Variants in CECR2 observed in about 807,000 individuals in gnomAD.
CECR2 encodes the protein chromatin remodeling regulator CECR2.
Under a neutral mutation model 154.5 loss-of-function variants are expected in CECR2, and 30 were observed. The observed-to-expected ratio is 0.19, with a 90% CI of 0.15 to 0.26. The LOEUF is 0.26. Ranked by LOEUF, CECR2 falls within the 10% of genes least tolerant of loss-of-function variation. The pLI, the probability that CECR2 is intolerant of heterozygous loss-of-function variation, is 1.00. For missense variants in CECR2, 1,743 were observed against 1,829.3 expected, an observed-to-expected ratio of 0.95 and a Z score of 0.86; for synonymous variants, 725 against 683.7, an observed-to-expected ratio of 1.06 and a Z score of -0.94.
chr22:17,453,429 C>T (rs140821800), intron 1 of CECR2, among the ~76,000 whole-genome samples: 1,575 of 151,884 alleles, frequency 0.01, 29 homozygotes, highest in African/African-American at 0.035. Flanking sequence ...GCAACAAGAG[C>T]GAAATTCCAT....
chr22:17,364,498 G>A (rs1282050699), upstream of CECR2, among the ~76,000 whole-genome samples: 2 of 152,144 alleles, frequency 1.3e-5, no homozygotes, highest in Admixed American at 6.5e-5. Context: ...GCAAACAAAG[G>A]TAGAGAAAGG....
At chr22:17,551,958 C>T in intron 17 of CECR2, 73 bp from the exon 18 acceptor site, 1 of 1,414,170 alleles carries the variant, frequency 7.1e-7, no homozygotes, top group Middle Eastern at 1.8e-4. Flanking sequence ...ACCCTCGTGA[C>T]TACAGTGTCT....
chr22:17,435,122 G>C (rs1372675881), intron 1 of CECR2, among the ~76,000 whole-genome samples: 1 of 152,102 alleles, frequency 6.6e-6, no homozygotes, highest in African/African-American at 2.4e-5. Flanking sequence ...GAAGAACTGT[G>C]AATCAGTCAG....
intron 9 of CECR2, among the ~76,000 whole-genome samples, chr22:17,525,795 G>T (rs1193519559): frequency 1.3e-5 from 2 of 151,818 alleles, no homozygotes; most frequent in Non-Finnish European, 2.9e-5. Flanking sequence ...TATTTAATAG[G>T]GTCCTTATTG....
intron 17 of CECR2, among the ~76,000 whole-genome samples, chr22:17,550,693 A>G (rs1206967269): frequency 1.3e-5 from 2 of 152,224 alleles, no homozygotes; most frequent in Non-Finnish European, 2.9e-5. Context: ...CTGTAATCCC[A>G]GCACTTCGGG....
chr22:17,530,603 G>T (rs763274553), intron 9 of CECR2, among the ~76,000 whole-genome samples: 3 of 151,996 alleles, frequency 2.0e-5, no homozygotes, highest in Non-Finnish European at 4.4e-5. Flanking sequence ...CTTGAATTCG[G>T]GAGGCAGAGG....
At chr22:17,532,171 A>G (rs761439069) in intron 9 of CECR2, among the ~76,000 whole-genome samples, 18 of 152,152 alleles carry the variant, frequency 1.2e-4, no homozygotes, top group Non-Finnish European at 1.6e-4. Flanking sequence ...TGTCTCAAAA[A>G]AAGGAAGGGG....
chr22:17,443,930 A>G (rs2054620186), intron 1 of CECR2, among the ~76,000 whole-genome samples: 1 of 152,156 alleles, frequency 6.6e-6, no homozygotes, highest in African/African-American at 2.4e-5. Flanking sequence ...CGTACCGTAA[A>G]CAAGCAGAAT....
At chr22:17,457,182 C>G (rs2054867341) in intron 1 of CECR2, among the ~76,000 whole-genome samples, 1 of 152,236 alleles carries the variant, frequency 6.6e-6, no homozygotes, top group Admixed American at 6.5e-5. Flanking sequence ...CATACGCCAC[C>G]ACGCCTGGCT....
Position 17,372,378 on chromosome 22 carries a change from T to A in CECR2, c.126+2469T>A, listed in dbSNP as rs139748948. Reference sequence around the variant, plus strand: ...AGATTTAAAAATTAAGATTTAAGAATGTATTTTCTCGACTCGGTGGCTCAC... The same window carrying A: ...AGATTTAAAAATTAAGATTTAAGAAAGTATTTTCTCGACTCGGTGGCTCAC... On this transcript the variant is annotated intron_variant, in intron 1 of 18. Coordinates refer to ENST00000262608, the MANE Select transcript of CECR2 (RefSeq NM_001290047.2). 4.6e-3 allele frequency among the ~76,000 whole-genome samples: 699 copies of A among 152,322 alleles called. 6 individuals are homozygous for A. Among genetic ancestry groups the A allele is most frequent in the African/African-American group, 0.016 (672 of 41,578 alleles).
intron 1 of CECR2, among the ~76,000 whole-genome samples, chr22:17,415,928 C>G (rs1014852788): frequency 6.6e-5 from 10 of 152,196 alleles, no homozygotes; most frequent in African/African-American, 2.4e-4. Context: ...TTTTTGTTCA[C>G]TGGAGATTTG....
chr22:17,496,145 T>C (rs1184751394), intron 2 of CECR2, among the ~76,000 whole-genome samples: 3 of 152,158 alleles, frequency 2.0e-5, no homozygotes, highest in Non-Finnish European at 2.9e-5. Context: ...ATGGGAGGAT[T>C]GCTTGAGCCC....
At chr22:17,395,335 A>T (rs1326757194) in intron 1 of CECR2, among the ~76,000 whole-genome samples, 2 of 151,202 alleles carry the variant, frequency 1.3e-5, no homozygotes, top group African/African-American at 2.4e-5. Context: ...GCTCGAATAG[A>T]ATCTTACATA....
At chr22:17,475,363 G>A (rs751899976) in intron 1 of CECR2, among the ~76,000 whole-genome samples, 23 of 152,114 alleles carry the variant, frequency 1.5e-4, no homozygotes, top group African/African-American at 2.4e-4. Context: ...CACTGTACTC[G>A]GTGACCTGGG....
intron 8 of CECR2, among the ~76,000 whole-genome samples, chr22:17,515,004 C>T (rs553650952): frequency 7.1e-6 from 1 of 141,268 alleles, no homozygotes; most frequent in South Asian, 2.2e-4. Flanking sequence ...GCCTGGGCGA[C>T]AGAGCAAGAC....
At chr22:17,462,986 G>A (rs773089958) in intron 1 of CECR2, among the ~76,000 whole-genome samples, 1 of 152,208 alleles carries the variant, frequency 6.6e-6, no homozygotes. Context: ...AGCAGACAAA[G>A]CTCCTCAAGG....
intron 2 of CECR2, among the ~76,000 whole-genome samples, chr22:17,480,913 G>A (rs888915884): frequency 6.6e-5 from 10 of 151,868 alleles, no homozygotes; most frequent in African/African-American, 1.2e-4. Context: ...GGTGGTGCAC[G>A]CCTGTAGTCC....
chr22:17,401,828 AC>A (rs34211703), intron 1 of CECR2, among the ~76,000 whole-genome samples: 3,033 of 114,232 alleles, frequency 0.027, 102 homozygotes, highest in African/African-American at 0.082. Flanking sequence ...AATATTTAAC[AC>A]CCCCCCCCGC....
At chr22:17,365,399 A>G (rs1252550058), upstream of CECR2, among the ~76,000 whole-genome samples, 3 of 152,180 alleles carry the variant, frequency 2.0e-5, no homozygotes, top group Non-Finnish European at 4.4e-5. Context: ...ACAATGTCAT[A>G]AAAAAGGTGG....
Sources: gnomAD v4.1 joint callset for allele counts (sites outside exome capture counted in the v4.1 genomes callset) on GRCh38, gnomAD v4.1.1 for gene constraint, MANE v1.5 for transcripts, NCBI Gene and HGNC (gene_info 2026-07-23, HGNC 2026-07-21) for gene names.